Variants in CD207 observed in about 807,000 individuals in gnomAD.
The protein encoded by CD207 is CD207 molecule.
A neutral mutation model predicts 31.6 loss-of-function variants in CD207; 28 were observed. That is an observed-to-expected ratio of 0.89 (90% CI 0.66 to 1.21). CD207 has a LOEUF of 1.21. Among genes scored for constraint, CD207 ranks in the 50% most tolerant of loss-of-function variants. CD207 has a pLI of 0.00. For synonymous variants in CD207, 168 were observed against 153.9 expected, an observed-to-expected ratio of 1.09 and a Z score of -0.68; for missense variants, 388 against 397.8, an observed-to-expected ratio of 0.98 and a Z score of 0.21.
chr2:70,827,207 C>T (rs1553399001), downstream of CD207, among the ~76,000 whole-genome samples: 3 of 152,208 alleles, frequency 2.0e-5, no homozygotes, highest in African/African-American at 7.2e-5. Context: ...CTCAGGAAGC[C>T]TTACGAAATC....
downstream of CD207, among the ~76,000 whole-genome samples, chr2:70,829,769 CT>C (rs1677423857): frequency 6.6e-6 from 1 of 152,166 alleles, no homozygotes; most frequent in Admixed American, 6.5e-5. Flanking sequence ...AAGGAAGCAT[CT>C]TTTCCTGAGG....
Position 70,831,096 on chromosome 2 carries a change from G to T in CD207, c.941C>A (p.Thr314Lys). The T allele has an allele frequency of 1.2e-6, 2 of 1,613,744 alleles. No homozygotes were observed. Among genetic ancestry groups the T allele is most frequent in the Non-Finnish European group, 1.7e-6 (2 of 1,179,708 alleles). ...QAWNDAPCDK[T>K]FLFICKRPYV... ...GGGTCGCTTACAAATGAAAAGAAAC[G>T]TTTTGTCACATGGGGCATCATTCCA... The change falls in exon 6 of 6, where the codon ACG becomes AAG. Residue 314 changes from threonine to lysine, a missense_variant. Thr to Lys is a moderately conservative substitution (Grantham distance 78). Transcript: ENST00000410009.
rs782022915 is a variant in CD207 at position 70,835,759 on chromosome 2, C to G, written c.18G>C (p.Glu6Asp). Residue 6 changes from glutamate to aspartate, a missense_variant, in exon 1 of 6, where the codon GAG becomes GAC. Physicochemically the swap from Glu to Asp is conservative, Grantham distance 45. Transcript: ENST00000410009. ...CCACAGTGAAGTGCGCATCAGGGGCCTCCTTCTCCACAGTCATCCTGAGTG... is the reference window on the plus strand; with the variant it reads ...CCACAGTGAAGTGCGCATCAGGGGCGTCCTTCTCCACAGTCATCCTGAGTG... MTVEK[E>D]APDAHFTVDK... 6.2e-7 allele frequency: 1 copy of G among 1,612,514 alleles called. No homozygotes were observed. Among genetic ancestry groups the G allele is most frequent in the East Asian group, 2.2e-5 (1 of 44,836 alleles).
At chr2:70,834,268 T>C (rs17719042) in intron 2 of CD207, among the ~76,000 whole-genome samples, 44,285 of 151,758 alleles carry the variant, frequency 0.29, 6,491 homozygotes, top group South Asian at 0.35. Flanking sequence ...ACAGGCTCTC[T>C]GTGAAAAGAT....
At chr2:70,825,291 T>C (rs66927637), downstream of CD207, among the ~76,000 whole-genome samples, 91,364 of 151,680 alleles carry the variant, frequency 0.6, 27,988 homozygotes, top group Middle Eastern at 0.7. Context: ...CAAGGAGACA[T>C]GATGGCTAAA....
Position 70,835,464 on chromosome 2 carries a change from C to A in CD207, c.190+27G>T, listed in dbSNP as rs782673601. ...CGGCTGGCCACAGAGAGGGGCTAAG[C>A]CCAGACGATGAAACATGAGGACTTA... On this transcript the variant is annotated intron_variant, in intron 2 of 5. Coordinates refer to ENST00000410009, the MANE Select transcript of CD207 (RefSeq NM_015717.5). 3 of 1,545,558 alleles carry A rather than the reference C, an allele frequency of 1.9e-6. No homozygotes were observed. In the East Asian group the frequency reaches 6.7e-5, roughly 35 times the overall value.
intron 2 of CD207, among the ~76,000 whole-genome samples, 197 bp from the exon 3 acceptor site, chr2:70,834,217 G>A (rs1677551239): frequency 6.6e-6 from 1 of 152,150 alleles, no homozygotes; most frequent in Non-Finnish European, 1.5e-5. Flanking sequence ...CCATGTGCCA[G>A]GAACACAGGT....
intron 4 of CD207, among the ~76,000 whole-genome samples, chr2:70,832,645 GTCAAGT>G (rs1419244929): frequency 3.3e-5 from 5 of 152,156 alleles, no homozygotes; most frequent in African/African-American, 1.2e-4. Context: ...TGCACAATAT[GTCAAGT>G]TCCCCTTTCC....
In CD207 at chr2:70,834,031, G is replaced by A. The variant is rs1404129972; in HGVS notation, c.191-11C>T. 8.0e-6 allele frequency: 12 copies of A among 1,503,702 alleles called. No individual in the cohort carries two copies. The highest frequency in any genetic ancestry group is 1.1e-5 in the Non-Finnish European group (12 of 1,127,940). The allele number at this position is 1,503,702 out of a possible 1,614,324, so 93.1% of individuals were successfully genotyped here. A position where few individuals can be genotyped will look rare whatever the true frequency, so the allele number is the denominator to read the frequency against. On this transcript the variant is annotated splice_polypyrimidine_tract_variant and intron_variant, in intron 2 of 5. Coordinates refer to ENST00000410009, the MANE Select transcript of CD207 (RefSeq NM_015717.5). Reference sequence around the variant, plus strand: ...CCATAAACCGGGGATCTGGGATTGAGAAAGTCAGGAGGTCAGCTGAGGGGA... The same window carrying A: ...CCATAAACCGGGGATCTGGGATTGAAAAAGTCAGGAGGTCAGCTGAGGGGA...
downstream of CD207, among the ~76,000 whole-genome samples, chr2:70,828,824 C>A (rs1553399237): frequency 6.6e-6 from 1 of 152,128 alleles, no homozygotes; most frequent in African/African-American, 2.4e-5. Flanking sequence ...CACCACCATG[C>A]CCGGCTAATT....
At position 70,830,925 on chromosome 2, in the gene CD207, TG is replaced by T; in HGVS notation, c.*124del. ...ACAGACGGACTCCAGAATGCCACTGTGGGACAATTTTGAAGCAAGAAAAATT... is the reference window on the plus strand; with the variant it reads ...ACAGACGGACTCCAGAATGCCACTGTGGACAATTTTGAAGCAAGAAAAATT... On this transcript the variant is annotated 3_prime_UTR_variant, in exon 6 of 6. Transcript: ENST00000410009. 1.1e-6 allele frequency: 1 copy of T among 875,312 alleles called. No individual in the cohort carries two copies. The highest frequency in any genetic ancestry group is 1.7e-6 in the Non-Finnish European group (1 of 586,434). 54.2% of individuals were successfully genotyped at this position (875,312 alleles called of 1,614,324 possible). A position where few individuals can be genotyped will look rare whatever the true frequency, so the allele number is the denominator to read the frequency against.
chr2:70,824,246 G>A, the CD207 span, among the ~76,000 whole-genome samples: 14 of 149,300 alleles, frequency 9.4e-5, no homozygotes, highest in Non-Finnish European at 1.9e-4. Flanking sequence ...ACAAAATACA[G>A]CAACAACAAT....
rs1553400466 is a variant in CD207, at chr2:70,833,987, T to C, written c.224A>G (p.Lys75Arg). ...ACCTTTCAGCAACTGGACATTGGTC[T>C]TTACATCTGATATGGTGCCCATAAA... ...PRFMGTISDV[K>R]TNVQLLKGRV... is the part of the protein sequence containing the mutation. Residue 75 changes from lysine to arginine, a missense_variant, in exon 3 of 6, where the codon AAG becomes AGG. By Grantham distance (26) the Lys-to-Arg change is conservative (BLOSUM62 2). Coordinates refer to ENST00000410009, the MANE Select transcript of CD207 (RefSeq NM_015717.5). 6.6e-7 allele frequency: 1 copy of C among 1,524,596 alleles called. No individual in the cohort carries two copies. Among genetic ancestry groups the C allele is most frequent in the Admixed American group, 2.1e-5 (1 of 47,576 alleles). 94.4% of individuals were successfully genotyped at this position (1,524,596 alleles called of 1,614,324 possible). A position where few individuals can be genotyped will look rare whatever the true frequency, so the allele number is the denominator to read the frequency against.
chr2:70,825,175 C>T, the CD207 span, among the ~76,000 whole-genome samples: 1 of 152,122 alleles, frequency 6.6e-6, no homozygotes, highest in African/African-American at 2.4e-5. Context: ...AGACAAATTC[C>T]ATTTAAGGGA....
chr2:70,832,888 C>T lies in CD207; in HGVS notation c.717+12G>A. The stretch of plus-strand genomic sequence containing the variant: ...ACGCCCCCTTCACAGAGCCCATAGG[C>T]ACAGCACTCACCTGCTCACTCTCTG... On this transcript the variant is annotated intron_variant, in intron 4 of 5. Coordinates refer to ENST00000410009, the MANE Select transcript of CD207 (RefSeq NM_015717.5). 1 of 1,609,884 alleles carries T rather than the reference C, an allele frequency of 6.2e-7. No homozygotes were observed. The highest frequency in any genetic ancestry group is 2.2e-5 in the East Asian group (1 of 44,840).
rs140660157 is a variant in CD207, at chr2:70,831,012, C to T, written c.*38G>A. The T allele has an allele frequency of 2.2e-4, 342 of 1,580,994 alleles. 6 individuals are homozygous for T. In the East Asian group the frequency reaches 6.6e-3, roughly 31 times the overall value. On this transcript the variant is annotated 3_prime_UTR_variant, in exon 6 of 6. Coordinates refer to ENST00000410009, the MANE Select transcript of CD207 (RefSeq NM_015717.5). ...GAGGCATTTCCTCATGTTTAACAAG[C>T]GTTGGAGCTCAAAGAGTGAGCTTGG...
chr2:70,833,680 G>C lies in CD207; in HGVS notation c.531C>G (p.Ser177Arg), dbSNP rs782628631. The C allele has an allele frequency of 2.5e-6, 4 of 1,612,554 alleles. No individual in the cohort carries two copies. In the South Asian group the frequency reaches 4.4e-5, roughly 18 times the overall value. ...TGAGCAACTTGCTCATATTCTCCAA[G>C]CTGCCCTGGAGTGCCCGGATCTTTG... is the stretch of plus-strand genomic sequence containing the variant. Reference protein sequence around the residue: ...LNTKIRALQGSLENMSKLLKR... With the variant: ...LNTKIRALQGRLENMSKLLKR... The change falls in exon 3 of 6, where the codon AGC becomes AGG. Residue 177 changes from serine (S) to arginine (R), a missense_variant. Coordinates refer to ENST00000410009, the MANE Select transcript of CD207 (RefSeq NM_015717.5).
downstream of CD207, among the ~76,000 whole-genome samples, chr2:70,828,277 G>A (rs975929450): frequency 7.9e-5 from 12 of 152,158 alleles, no homozygotes; most frequent in Non-Finnish European, 8.8e-5. Flanking sequence ...CCCATGTAGC[G>A]ACCTCCCTGG....
chr2:70,831,372 C>A (rs2104699581), intron 5 of CD207, among the ~76,000 whole-genome samples, 172 bp from the exon 6 acceptor site: 1 of 152,326 alleles, frequency 6.6e-6, no homozygotes, highest in South Asian at 2.1e-4. Context: ...GACCTCTAAG[C>A]TTTCACATGC....
Sources: allele counts gnomAD v4.1 joint callset (sites outside exome capture counted in the v4.1 genomes callset), GRCh38; gene constraint gnomAD v4.1.1; transcripts MANE v1.5; gene names NCBI Gene and HGNC (gene_info 2026-07-23, HGNC 2026-07-21).